The following CNOT2 variants were observed in gnomAD, a reference collection of about 807,000 sequenced individuals.
CNOT2 encodes the protein CC chemokine receptor 4-negative regulator of transcription 2.
CNOT2 carries 7 observed loss-of-function variants against 72.1 expected under a neutral mutation model. That is an observed-to-expected ratio of 0.10 (90% CI 0.06 to 0.18). The LOEUF is 0.18. Ranked by LOEUF, CNOT2 falls within the 10% of genes least tolerant of loss-of-function variation. CNOT2 has a pLI of 1.00. For missense variants in CNOT2, 345 were observed against 660.3 expected, an observed-to-expected ratio of 0.52 and a Z score of 5.23; for synonymous variants, 196 against 225.6, an observed-to-expected ratio of 0.87 and a Z score of 1.17.
chr12:70,336,159 C>T (rs1339346536), intron 8 of CNOT2: 1 of 152,186 alleles, frequency 6.6e-6, no homozygotes, highest in Non-Finnish European at 1.5e-5. Context: ...CAAATGTTTT[C>T]AGACATTGGC....
At chr12:70,307,229 C>T (rs1197913763) in intron 2 of CNOT2, among the ~76,000 whole-genome samples, 2 of 152,130 alleles carry the variant, frequency 1.3e-5, no homozygotes, top group African/African-American at 4.8e-5. Flanking sequence ...TTAACCTTAG[C>T]TTACCGTAAC....
At chr12:70,248,495 T>C (rs1957993719) in intron 1 of CNOT2, among the ~76,000 whole-genome samples, 1 of 152,210 alleles carries the variant, frequency 6.6e-6, no homozygotes, top group African/African-American at 2.4e-5. Flanking sequence ...CGTGTTTGAC[T>C]GCAGGTGTTG....
intron 2 of CNOT2, among the ~76,000 whole-genome samples, chr12:70,291,709 G>A (rs191468533): frequency 3.9e-5 from 6 of 152,058 alleles, no homozygotes; most frequent in East Asian, 1.9e-4. Flanking sequence ...AGGCTGAGGC[G>A]GGCAGATCAC....
chr12:70,249,208 C>G (rs550342840), intron 1 of CNOT2, among the ~76,000 whole-genome samples: 1 of 151,906 alleles, frequency 6.6e-6, no homozygotes, highest in Admixed American at 6.5e-5. Context: ...AATGCCTATC[C>G]TGCATACAAA....
At chr12:70,278,086 T>C in intron 1 of CNOT2, 46 bp from the exon 2 acceptor site, 1 of 590,158 alleles carries the variant, frequency 1.7e-6, no homozygotes. Flanking sequence ...TGTTGATATA[T>C]TTACATGTTA....
intron 2 of CNOT2, chr12:70,294,367 A>G (rs1482283073): frequency 1.1e-5 from 11 of 963,482 alleles, no homozygotes; most frequent in African/African-American, 1.7e-5. Context: ...ATGTTGGGCC[A>G]TTTTATCAAT....
intron 1 of CNOT2, among the ~76,000 whole-genome samples, chr12:70,267,675 T>G (rs1426364115): frequency 1.3e-5 from 2 of 152,254 alleles, no homozygotes; most frequent in Non-Finnish European, 2.9e-5. Context: ...TGTTGTAGTT[T>G]CATATGTATT....
intron 9 of CNOT2, chr12:70,337,896 G>T: frequency 2.8e-6 from 1 of 356,012 alleles, no homozygotes; most frequent in African/African-American, 2.2e-5. Context: ...TCTTCTTTCT[G>T]ACTTAACAAA....
intron 1 of CNOT2, among the ~76,000 whole-genome samples, chr12:70,248,986 CAG>C (rs1282821222): frequency 6.6e-6 from 1 of 151,972 alleles, no homozygotes; most frequent in Non-Finnish European, 1.5e-5. Flanking sequence ...ATTTAGGTAA[CAG>C]TGAGTAGACT....
chr12:70,279,696 C>T (rs1869475249), intron 2 of CNOT2, among the ~76,000 whole-genome samples: 1 of 152,148 alleles, frequency 6.6e-6, no homozygotes. Flanking sequence ...TTTCAGTGCT[C>T]ATAATCCAAT....
chr12:70,252,607 CTAT>C (rs1958196572), intron 1 of CNOT2, among the ~76,000 whole-genome samples: 1 of 152,124 alleles, frequency 6.6e-6, no homozygotes, highest in Admixed American at 6.5e-5. Flanking sequence ...TGGAGCTGAT[CTAT>C]CTGCTATTAA....
At chr12:70,337,276 A>G in intron 8 of CNOT2, 113 bp from the exon 9 acceptor site, 1 of 799,622 alleles carries the variant, frequency 1.3e-6, no homozygotes, top group Non-Finnish European at 1.9e-6. Flanking sequence ...CTTTCATAGC[A>G]TTAAAAAAAA....
At chr12:70,292,362 G>A (rs755947378) in intron 2 of CNOT2, among the ~76,000 whole-genome samples, 1 of 152,162 alleles carries the variant, frequency 6.6e-6, no homozygotes, top group Non-Finnish European at 1.5e-5. Context: ...GTCTCGGATT[G>A]GAGAAGACTA....
intron 13 of CNOT2, 39 bp from the exon 14 acceptor site, chr12:70,344,089 T>C (rs1343537796): frequency 7.0e-7 from 1 of 1,420,870 alleles, no homozygotes; most frequent in East Asian, 2.3e-5. Context: ...ATTTGCAGAT[T>C]TGTTTTATAT....
At chr12:70,316,285 A>T (rs1195291961) in intron 3 of CNOT2, among the ~76,000 whole-genome samples, 1 of 152,166 alleles carries the variant, frequency 6.6e-6, no homozygotes, top group East Asian at 1.9e-4. Flanking sequence ...ATTAACTTTC[A>T]GAATTTAAAA....
At chr12:70,279,549 G>A (rs1005329106) in intron 2 of CNOT2, among the ~76,000 whole-genome samples, 4 of 152,306 alleles carry the variant, frequency 2.6e-5, no homozygotes, top group Non-Finnish European at 5.9e-5. Flanking sequence ...GTACTCAGGT[G>A]TAGCTCCTGC....
chr12:70,326,072 A>G (rs1468661639), intron 4 of CNOT2, among the ~76,000 whole-genome samples: 16 of 151,858 alleles, frequency 1.1e-4, no homozygotes, highest in Non-Finnish European at 2.4e-4. Context: ...AAAAATGATC[A>G]ATAAGGAATT....
intron 2 of CNOT2, chr12:70,301,850 T>A (rs1318725478): frequency 6.6e-6 from 1 of 152,242 alleles, no homozygotes; most frequent in African/African-American, 2.4e-5. Context: ...CATCTGGTCC[T>A]GGATTTTTTT....
At chr12:70,252,691 C>G (rs1490051436) in intron 1 of CNOT2, among the ~76,000 whole-genome samples, 1 of 152,042 alleles carries the variant, frequency 6.6e-6, no homozygotes, top group Non-Finnish European at 1.5e-5. Flanking sequence ...AATGGAATCA[C>G]CGTTGTACTG....
Sources: allele counts gnomAD v4.1 joint callset (sites outside exome capture counted in the v4.1 genomes callset), GRCh38; gene constraint gnomAD v4.1.1; transcripts MANE v1.5; gene names NCBI Gene and HGNC (gene_info 2026-07-23, HGNC 2026-07-21).